Variants in MFSD8 observed in about 807,000 individuals in gnomAD.
MFSD8 encodes the protein major facilitator superfamily domain containing 8.
Under a neutral mutation model 66.4 loss-of-function variants are expected in MFSD8, and 55 were observed. That is an observed-to-expected ratio of 0.83 (90% confidence interval 0.67 to 1.04). The LOEUF is 1.04. Among genes scored for constraint, MFSD8 ranks in the 50% least tolerant of loss-of-function variants. MFSD8 has a pLI of 0.00. For synonymous variants in MFSD8, 202 were observed against 212.8 expected (o/e 0.95, Z 0.44); for missense variants, 550 against 627.6 (o/e 0.88, Z 1.32).
chr4:127,925,018 T>C (rs1048491661), intron 9 of MFSD8, among the ~76,000 whole-genome samples: 14 of 152,158 alleles, frequency 9.2e-5, no homozygotes, highest in South Asian at 6.2e-4. Flanking sequence ...ATAAATGGTG[T>C]TGGGAAAACT....
At chr4:127,957,473 G>A in intron 2 of MFSD8, 28 bp downstream of exon 2, 1 of 1,446,662 alleles carries the variant, frequency 6.9e-7, no homozygotes, top group Non-Finnish European at 9.7e-7. Flanking sequence ...GATCTGAATT[G>A]TTAAAATTAT....
rs180757734 is a variant in MFSD8 at position 127,933,933 on chromosome 4, T to C, written c.755-840A>G. 1.1e-3 allele frequency among the ~76,000 whole-genome samples: 160 copies of C among 151,680 alleles called. 1 individual carries two copies. Among genetic ancestry groups the C allele is most frequent in the Middle Eastern group, 0.01 (3 of 294 alleles). The stretch of plus-strand genomic sequence containing the variant: ...ATGGCCAGGAGTGGTGGCTCATACA[T>C]GTAATCCCAGCAGGTGGGATTACAT... On this transcript the variant is annotated intron_variant, in intron 7 of 11. Transcript: ENST00000641686.
At chr4:127,952,513 T>C (rs1742162151) in intron 2 of MFSD8, among the ~76,000 whole-genome samples, 1 of 152,154 alleles carries the variant, frequency 6.6e-6, no homozygotes, top group Non-Finnish European at 1.5e-5. Context: ...ATTAATCTTT[T>C]AAATCAAGGC....
At chr4:127,948,236 G>A (rs994200636) in intron 3 of MFSD8, among the ~76,000 whole-genome samples, 15 of 152,240 alleles carry the variant, frequency 9.9e-5, no homozygotes, top group African/African-American at 3.6e-4. Context: ...TGGTCAGGCG[G>A]TTGTTAACGC....
At chr4:127,962,376 G>A (rs902017525) in intron 1 of MFSD8, among the ~76,000 whole-genome samples, 1 of 152,070 alleles carries the variant, frequency 6.6e-6, no homozygotes, top group African/African-American at 2.4e-5. Context: ...GCTGAGGCAG[G>A]AGAATCGCTT....
intron 1 of MFSD8, among the ~76,000 whole-genome samples, chr4:127,964,343 G>A (rs547239782): frequency 8.5e-4 from 130 of 152,360 alleles, no homozygotes; most frequent in African/African-American, 3.0e-3. Context: ...TGGGTGGGAG[G>A]CTCAGGCATG....
At position 127,920,533 on chromosome 4, in the gene MFSD8, T is replaced by A. The variant is rs1446740220; in HGVS notation, c.*97A>T. The A allele has an allele frequency of 8.5e-7, 1 of 1,181,662 alleles. No homozygotes were observed. The highest frequency in any genetic ancestry group is 1.3e-6 in the Non-Finnish European group (1 of 794,092). 73.2% of individuals were successfully genotyped at this position (1,181,662 alleles called of 1,614,324 possible). On this transcript the variant is annotated 3_prime_UTR_variant, in exon 12 of 12. Transcript: ENST00000641686. Reference sequence around the variant, plus strand: ...TCTTCAAAATCTGCAATATCTGTAGTCTGATTCTTGGAGACTGGCTCACCG... The same window carrying A: ...TCTTCAAAATCTGCAATATCTGTAGACTGATTCTTGGAGACTGGCTCACCG...
chr4:127,929,059 C>T (rs749822835), intron 9 of MFSD8, among the ~76,000 whole-genome samples: 2 of 151,848 alleles, frequency 1.3e-5, no homozygotes, highest in Admixed American at 6.6e-5. Context: ...CGGTGGTTCA[C>T]GCCTGTAATC....
At chr4:127,959,268 A>G (rs1363723811) in intron 1 of MFSD8, among the ~76,000 whole-genome samples, 10 of 152,246 alleles carry the variant, frequency 6.6e-5, no homozygotes, top group Non-Finnish European at 1.5e-4. Flanking sequence ...TAGACTCTTC[A>G]AAGATTTTAA....
chr4:127,959,095 A>G (rs996046848), intron 1 of MFSD8, among the ~76,000 whole-genome samples: 2 of 152,228 alleles, frequency 1.3e-5, no homozygotes, highest in African/African-American at 4.8e-5. Flanking sequence ...TGGCATTCCC[A>G]GTAGTGGGAT....
intron 2 of MFSD8, among the ~76,000 whole-genome samples, chr4:127,956,116 GAATA>G (rs1742817665): frequency 6.7e-6 from 1 of 148,522 alleles, no homozygotes; most frequent in Non-Finnish European, 1.5e-5. Flanking sequence ...CTCAAAAAAT[GAATA>G]AATAATAATA....
intron 8 of MFSD8, among the ~76,000 whole-genome samples, chr4:127,931,860 G>A (rs949476723): frequency 1.1e-4 from 16 of 152,170 alleles, no homozygotes; most frequent in Non-Finnish European, 1.8e-4. Context: ...TGTAATCCCA[G>A]CACTTTGGGA....
At chr4:127,960,982 C>T (rs1743639022) in intron 1 of MFSD8, among the ~76,000 whole-genome samples, 1 of 152,150 alleles carries the variant, frequency 6.6e-6, no homozygotes, top group Non-Finnish European at 1.5e-5. Flanking sequence ...TTGCCCTAAA[C>T]AAGCCTAAAA....
At chr4:127,948,247 T>C (rs1578936684) in intron 3 of MFSD8, among the ~76,000 whole-genome samples, 1 of 152,148 alleles carries the variant, frequency 6.6e-6, no homozygotes, top group South Asian at 2.1e-4. Flanking sequence ...TTGTTAACGC[T>C]CTCTAAAGTA....
chr4:127,922,586 C>T (rs925887120), intron 9 of MFSD8, among the ~76,000 whole-genome samples: 2 of 151,492 alleles, frequency 1.3e-5, no homozygotes, highest in African/African-American at 4.9e-5. Context: ...GATGGCACCA[C>T]TGCACTCCAA....
chr4:127,922,816 T>C (rs1414625986), intron 9 of MFSD8, among the ~76,000 whole-genome samples: 3 of 152,156 alleles, frequency 2.0e-5, no homozygotes, highest in South Asian at 2.1e-4. Flanking sequence ...GTAAGTATTC[T>C]AGCAAATAAA....
In MFSD8 at chr4:127,945,822, G is replaced by A. The variant is rs562440497; in HGVS notation, c.199-1830C>T. Among the ~76,000 whole-genome samples the A allele has an allele frequency of 1.3e-4, 19 of 150,510 alleles. No individual in the cohort carries two copies. In the South Asian group the frequency reaches 1.5e-3, roughly 12 times the overall value. On this transcript the variant is annotated intron_variant, in intron 3 of 11. Coordinates refer to ENST00000641686, the MANE Select transcript of MFSD8 (RefSeq NM_001371596.2). ...TTCATTTGTCATCTCTACTAAAATAGAAAATAATAATTTCATGTTACATAA... is the reference window on the plus strand; with the variant it reads ...TTCATTTGTCATCTCTACTAAAATAAAAAATAATAATTTCATGTTACATAA...
chr4:127,963,753 G>C (rs775021317), intron 1 of MFSD8, among the ~76,000 whole-genome samples: 2 of 152,194 alleles, frequency 1.3e-5, no homozygotes, highest in Non-Finnish European at 2.9e-5. Context: ...AAAAAACAAA[G>C]CTTCCACACT....
chr4:127,960,846 C>A (rs765973406), intron 1 of MFSD8, among the ~76,000 whole-genome samples: 7 of 152,180 alleles, frequency 4.6e-5, no homozygotes, highest in Non-Finnish European at 8.8e-5. Flanking sequence ...CCACCAAATT[C>A]TATCCCTTTC....
Sources: gnomAD v4.1 joint callset for allele counts (sites outside exome capture counted in the v4.1 genomes callset) on GRCh38, gnomAD v4.1.1 for gene constraint, MANE v1.5 for transcripts, NCBI Gene and HGNC (gene_info 2026-07-23, HGNC 2026-07-21) for gene names.